The following ANKS1B variants were observed in gnomAD, a reference collection of about 807,000 sequenced individuals.
The protein encoded by ANKS1B is ankyrin repeat and sterile alpha motif domain containing 1B.
In ANKS1B, 36 loss-of-function variants were observed where a neutral mutation model predicts 148.3. The observed-to-expected ratio is 0.24, with a 90% CI of 0.19 to 0.32. The LOEUF is 0.32. ANKS1B is among the 10% of genes least tolerant of loss of function. The probability of loss-of-function intolerance (pLI) is 1.00; values close to 1 mark genes in which losing one functional copy is unlikely to be tolerated. For synonymous variants in ANKS1B, 542 were observed against 560.8 expected (o/e 0.97, Z 0.47); for missense variants, 1,157 against 1,542.6 (o/e 0.75, Z 4.19).
intron 19 of ANKS1B, among the ~76,000 whole-genome samples, chr12:98,813,939 A>G (rs1396622333): frequency 2.6e-5 from 4 of 151,702 alleles, no homozygotes; most frequent in Non-Finnish European, 5.9e-5. Context: ...GGAGTGCAGT[A>G]GCGTGGTCTT....
intron 14 of ANKS1B, among the ~76,000 whole-genome samples, chr12:99,226,715 A>C (rs2085996270): frequency 6.6e-6 from 1 of 152,198 alleles, no homozygotes; most frequent in Non-Finnish European, 1.5e-5. Flanking sequence ...GGGAAAGGGT[A>C]ATTGGGTGAG....
At chr12:99,079,443 A>C (rs1266780220) in intron 16 of ANKS1B, among the ~76,000 whole-genome samples, 2 of 152,222 alleles carry the variant, frequency 1.3e-5, no homozygotes, top group South Asian at 2.1e-4. Flanking sequence ...AGCAGAACTC[A>C]GAAGTAAAGG....
intron 14 of ANKS1B, among the ~76,000 whole-genome samples, chr12:99,236,600 T>G (rs892870566): frequency 3.9e-5 from 6 of 152,164 alleles, no homozygotes; most frequent in Non-Finnish European, 8.8e-5. Flanking sequence ...AGGATTACAA[T>G]TCAAGATGAG....
chr12:99,232,495 G>T (rs1206568001), intron 14 of ANKS1B, among the ~76,000 whole-genome samples: 7 of 152,176 alleles, frequency 4.6e-5, no homozygotes, highest in Non-Finnish European at 8.8e-5. Context: ...TGATTACTCT[G>T]CATGTTTGCT....
intron 11 of ANKS1B, among the ~76,000 whole-genome samples, chr12:99,436,514 G>C (rs2095463362): frequency 6.6e-6 from 1 of 151,820 alleles, no homozygotes; most frequent in South Asian, 2.1e-4. Flanking sequence ...CTCTTTCCAA[G>C]TTATATGCCT....
chr12:99,480,470 A>G (rs2096393904), intron 10 of ANKS1B, among the ~76,000 whole-genome samples: 1 of 151,848 alleles, frequency 6.6e-6, no homozygotes, highest in Non-Finnish European at 1.5e-5. Flanking sequence ...ATAGATACTA[A>G]TGTTTTCACA....
chr12:98,868,566 G>A (rs1430018115), intron 17 of ANKS1B, among the ~76,000 whole-genome samples: 1 of 152,176 alleles, frequency 6.6e-6, no homozygotes, highest in Non-Finnish European at 1.5e-5. Context: ...ATGACGAATT[G>A]CCCCCTTTAA....
chr12:99,569,650 T>G (rs983505550), intron 9 of ANKS1B, among the ~76,000 whole-genome samples: 1 of 152,164 alleles, frequency 6.6e-6, no homozygotes, highest in African/African-American at 2.4e-5. Context: ...TGGAAAGCTC[T>G]TTGTTGTCAG....
In ANKS1B at chr12:98,867,857, T is replaced by C. The variant is rs181435458; in HGVS notation, c.2779-35721A>G. Among the ~76,000 whole-genome samples, 165 of 147,126 alleles carry C rather than the reference T, an allele frequency of 1.1e-3. 2 individuals carry two copies. The East Asian group carries it at 0.024, about 21-fold the overall frequency. ...AGCCTGGCAACAGAGCAAGACTCCA[T>C]CTCAAAAAAAAAAAAAAAGAATATA... On this transcript the variant is annotated intron_variant, in intron 17 of 26. Transcript: ENST00000683438.
At chr12:99,979,778 T>C (rs972880751) in intron 1 of ANKS1B, among the ~76,000 whole-genome samples, 37 of 152,194 alleles carry the variant, frequency 2.4e-4, no homozygotes, top group Admixed American at 2.3e-3. Flanking sequence ...TACCTCACAA[T>C]ATTCTCACAG....
At chr12:99,327,213 TATA>T (rs1269800286) in intron 12 of ANKS1B, among the ~76,000 whole-genome samples, 1 of 114,428 alleles carries the variant, frequency 8.7e-6, no homozygotes, top group African/African-American at 3.5e-5. Flanking sequence ...TTATCTATTA[TATA>T]ATATAATTTA....
intron 17 of ANKS1B, among the ~76,000 whole-genome samples, chr12:98,948,946 A>ATTTTTTTTTTT (rs1567958669): frequency 6.7e-5 from 6 of 89,176 alleles, no homozygotes; most frequent in South Asian, 3.8e-4. Flanking sequence ...AGCATGAGCT[A>ATTTTTTTTTTT]CTTTTTTTTT....
intron 14 of ANKS1B, among the ~76,000 whole-genome samples, chr12:99,244,090 TA>T (rs10539895): frequency 0.067 from 9,985 of 148,230 alleles, 681 homozygotes; most frequent in East Asian, 0.28. Flanking sequence ...TAAAAAATTC[TA>T]AAAAAAAAAA....
chr12:99,953,927 G>T (rs1466988294), intron 1 of ANKS1B, among the ~76,000 whole-genome samples: 2 of 152,132 alleles, frequency 1.3e-5, no homozygotes, highest in Non-Finnish European at 2.9e-5. Flanking sequence ...GAGTGAAAAA[G>T]GTTTGGAACA....
intron 8 of ANKS1B, among the ~76,000 whole-genome samples, chr12:99,656,243 C>T (rs1500673): frequency 0.12 from 18,530 of 151,984 alleles, 1,783 homozygotes; most frequent in East Asian, 0.45. Context: ...CATGGCAGCA[C>T]GGTTTATATT....
intron 1 of ANKS1B, among the ~76,000 whole-genome samples, chr12:99,859,473 T>C (rs1275021565): frequency 6.6e-6 from 1 of 152,200 alleles, no homozygotes; most frequent in African/African-American, 2.4e-5. Context: ...GTTATGTAAT[T>C]CAAATACTAC....
chr12:99,372,787 C>T (rs1387577772), intron 12 of ANKS1B, among the ~76,000 whole-genome samples: 2 of 152,072 alleles, frequency 1.3e-5, no homozygotes, highest in Admixed American at 1.3e-4. Context: ...CATTCCTACT[C>T]TGGTACCAGT....
At chr12:99,320,358 T>C (rs995557699) in intron 12 of ANKS1B, among the ~76,000 whole-genome samples, 2 of 152,222 alleles carry the variant, frequency 1.3e-5, no homozygotes, top group Non-Finnish European at 2.9e-5. Context: ...TCTTTTCACA[T>C]AGTCCCATAC....
At chr12:99,145,215 G>A (rs1473187197) in intron 15 of ANKS1B, among the ~76,000 whole-genome samples, 1 of 152,104 alleles carries the variant, frequency 6.6e-6, no homozygotes, top group African/African-American at 2.4e-5. Context: ...GGACTTCTAA[G>A]CCAGGCCTTT....
Sources: gnomAD v4.1 joint callset for allele counts (sites outside exome capture counted in the v4.1 genomes callset) on GRCh38, gnomAD v4.1.1 for gene constraint, MANE v1.5 for transcripts, NCBI Gene and HGNC (gene_info 2026-07-23, HGNC 2026-07-21) for gene names.